Variants in ACTA2 observed in about 807,000 individuals in gnomAD.
ACTA2 encodes actin alpha 2, smooth muscle.
ACTA2 carries 12 observed loss-of-function variants against 39.5 expected under a neutral mutation model. That is an observed-to-expected ratio of 0.30 (90% CI 0.19 to 0.49). The LOEUF (loss-of-function observed/expected upper bound fraction) is 0.49. Ranked by LOEUF, ACTA2 falls within the 20% of genes least tolerant of loss-of-function variation. ACTA2 has a pLI of 0.99. For missense variants in ACTA2, 236 were observed against 498.8 expected, an observed-to-expected ratio of 0.47 and a Z score of 5.02; for synonymous variants, 158 against 180.6, an observed-to-expected ratio of 0.88 and a Z score of 1.00.
chr10:88,989,357 A>T, intron 1 of ACTA2: 1 of 313,116 alleles, frequency 3.2e-6, no homozygotes, highest in African/African-American at 2.2e-5. Context: ...TTTTTTATTT[A>T]AATGAACTTT....
intron 4 of ACTA2, 87 bp downstream of exon 4, chr10:88,943,710 G>T: frequency 1.8e-6 from 2 of 1,122,092 alleles, no homozygotes; most frequent in Non-Finnish European, 2.7e-6. Context: ...CCTAGCTCCG[G>T]CCTTCTCTCT....
chr10:88,948,910 G>A lies in ACTA2; in HGVS notation c.21C>T (p.Ser7=). 1 of 1,613,886 alleles carries A rather than the reference G, an allele frequency of 6.2e-7. No individual in the cohort carries two copies. Among genetic ancestry groups the A allele is most frequent in the Non-Finnish European group, 8.5e-7 (1 of 1,179,840 alleles). The change falls in exon 2 of 9, where the codon AGC becomes AGT. Residue 7 remains serine, a synonymous_variant. Coordinates refer to ENST00000224784, the MANE Select transcript of ACTA2 (RefSeq NM_001613.4). MCEEED[S]TALVCDNGSG... is the part of the protein sequence containing the mutation. The stretch of plus-strand genomic sequence containing the variant: ...AGCCATTGTCACACACCAAGGCAGT[G>A]CTGTCCTCTTCTTCACACATAGCTG...
At chr10:88,966,553 G>T (rs141251927) in intron 1 of ACTA2, among the ~76,000 whole-genome samples, 1 of 152,130 alleles carries the variant, frequency 6.6e-6, no homozygotes. Context: ...TATCTGTGGC[G>T]TCTGTGAGGT....
intron 1 of ACTA2, among the ~76,000 whole-genome samples, chr10:88,960,875 A>C (rs192504923): frequency 6.6e-6 from 1 of 152,336 alleles, no homozygotes; most frequent in Admixed American, 6.5e-5. Context: ...CTTATAAGCC[A>C]CAGAAAGTCT....
chr10:88,980,200 G>A (rs867119869), intron 1 of ACTA2, among the ~76,000 whole-genome samples: 2 of 152,346 alleles, frequency 1.3e-5, no homozygotes, highest in Middle Eastern at 3.4e-3. Flanking sequence ...AGTGGAACAT[G>A]AGCAGGAATT....
chr10:88,989,299 C>T (rs1382582646), intron 1 of ACTA2, among the ~76,000 whole-genome samples: 1 of 152,102 alleles, frequency 6.6e-6, no homozygotes, highest in Non-Finnish European at 1.5e-5. Flanking sequence ...TCTTCCCTTA[C>T]CTCTCCTTTC....
At chr10:88,965,684 A>G (rs1431931608) in intron 1 of ACTA2, among the ~76,000 whole-genome samples, 1 of 152,146 alleles carries the variant, frequency 6.6e-6, no homozygotes, top group Admixed American at 6.5e-5. Flanking sequence ...TCCAAGGGTG[A>G]CCATCATGCT....
At chr10:88,960,714 A>G (rs1231451186) in intron 1 of ACTA2, among the ~76,000 whole-genome samples, 1 of 123,664 alleles carries the variant, frequency 8.1e-6, no homozygotes, top group African/African-American at 2.8e-5. Flanking sequence ...CTACAATACC[A>G]TTATTGACAA....
In ACTA2 at chr10:88,977,152, A is replaced by T. The variant is rs144778757; in HGVS notation, c.-24+13787T>A. On this transcript the variant is annotated intron_variant, in intron 1 of 4. Transcript: ENST00000415557. The stretch of plus-strand genomic sequence containing the variant: ...GATGGTAGTTTCTTTTGCTGTGCAG[A>T]AGCTCTGTAGTTTAATTAGATCCCA... Among the ~76,000 whole-genome samples, 1,092 of 152,084 alleles carry T rather than the reference A, an allele frequency of 7.2e-3. 20 individuals carry two copies. The East Asian group carries it at 0.1, about 14-fold the overall frequency.
intron 3 of ACTA2, 64 bp downstream of exon 3, chr10:88,947,194 T>C: frequency 6.2e-7 from 1 of 1,605,900 alleles, no homozygotes; most frequent in Non-Finnish European, 8.5e-7. Flanking sequence ...AGTGTGGTGT[T>C]CTGTATCAGA....
At chr10:88,958,691 T>C (rs867761288) in intron 1 of ACTA2, among the ~76,000 whole-genome samples, 2 of 152,210 alleles carry the variant, frequency 1.3e-5, no homozygotes. Context: ...AGGACAATAT[T>C]GGCACCAGCT....
chr10:88,987,652 A>G (rs1471163415), intron 1 of ACTA2, among the ~76,000 whole-genome samples: 1 of 152,188 alleles, frequency 6.6e-6, no homozygotes, highest in Non-Finnish European at 1.5e-5. Context: ...ATCTACTCCA[A>G]CTGAATGTGA....
chr10:88,955,031 A>AAAAG (rs1846113702), upstream of ACTA2, among the ~76,000 whole-genome samples: 1 of 151,352 alleles, frequency 6.6e-6, no homozygotes, highest in Non-Finnish European at 1.5e-5. Flanking sequence ...AAAAAAAAAA[A>AAAAG]AAGAAGAAGA....
At chr10:88,948,516 T>C in intron 2 of ACTA2, 1 of 400,470 alleles carries the variant, frequency 2.5e-6, no homozygotes, top group South Asian at 2.2e-5. Flanking sequence ...GCATTTCTGA[T>C]GGTGATGAAA....
chr10:88,953,017 C>T (rs1451640057), upstream of ACTA2, among the ~76,000 whole-genome samples: 1 of 152,264 alleles, frequency 6.6e-6, no homozygotes. Context: ...ACACGCCAAG[C>T]CTTCAGAACA....
At chr10:88,981,560 C>A (rs764837558) in intron 1 of ACTA2, among the ~76,000 whole-genome samples, 2 of 152,016 alleles carry the variant, frequency 1.3e-5, no homozygotes, top group Non-Finnish European at 2.9e-5. Flanking sequence ...AGAGGAAGAA[C>A]CAAGGTCAAA....
upstream of ACTA2, among the ~76,000 whole-genome samples, chr10:88,955,464 G>A (rs1274793590): frequency 6.6e-6 from 1 of 152,198 alleles, no homozygotes; most frequent in African/African-American, 2.4e-5. Flanking sequence ...AATTCCCCAG[G>A]AGAGTCACAA....
chr10:88,976,024 C>T (rs1014869831), intron 1 of ACTA2, among the ~76,000 whole-genome samples: 2 of 152,202 alleles, frequency 1.3e-5, no homozygotes, highest in African/African-American at 2.4e-5. Context: ...GCCACTGAAT[C>T]TTATGTCCCA....
chr10:88,981,534 G>A (rs1438588673), intron 1 of ACTA2, among the ~76,000 whole-genome samples: 5 of 152,120 alleles, frequency 3.3e-5, no homozygotes, highest in African/African-American at 1.2e-4. Flanking sequence ...AAATTGAAGA[G>A]GTATGATCCT....
Sources: gnomAD v4.1 joint callset for allele counts (sites outside exome capture counted in the v4.1 genomes callset) on GRCh38, gnomAD v4.1.1 for gene constraint, MANE v1.5 for transcripts, NCBI Gene and HGNC (gene_info 2026-07-23, HGNC 2026-07-21) for gene names.